FANK1: variants seen among roughly 807,000 people sequenced by gnomAD.
FANK1 encodes fibronectin type 3 and ankyrin repeat domains protein 1.
Under a neutral mutation model 45.3 loss-of-function variants are expected in FANK1, and 44 were observed. The ratio of observed to expected loss-of-function variants is 0.97; its 90% CI spans 0.76 to 1.25. FANK1 has a LOEUF of 1.25. Among genes scored for constraint, FANK1 ranks in the 50% most tolerant of loss-of-function variants. The pLI is 0.00. For missense variants in FANK1, 391 were observed against 424.4 expected, an observed-to-expected ratio of 0.92 and a Z score of 0.69; for synonymous variants, 149 against 152.5, an observed-to-expected ratio of 0.98 and a Z score of 0.17.
rs569488141 is a variant in FANK1 at position 125,906,563 on chromosome 10, G to GTTTTACTAGTGTTGGT, written c.13+9911_13+9926dup. 5.8e-3 allele frequency among the ~76,000 whole-genome samples: 659 copies of GTTTTACTAGTGTTGGT among 113,280 alleles called. 3 individuals are homozygous for GTTTTACTAGTGTTGGT. The highest frequency in any genetic ancestry group is 0.02 in the African/African-American group (622 of 31,544). 74.3% of individuals were successfully genotyped at this position (113,280 alleles called of 152,430 possible). A position where few individuals can be genotyped will look rare whatever the true frequency, so the allele number is the denominator to read the frequency against. ...AAAAAAATTCTTACCTCCTGGAAGTGTTTTACTAGTGTTGGTTTCTATTTG... is the reference window on the plus strand; with the variant it reads ...AAAAAAATTCTTACCTCCTGGAAGTGTTTTACTAGTGTTGGTTTTTACTAGTGTTGGTTTCTATTTG... On this transcript the variant is annotated intron_variant, in intron 1 of 10. Coordinates refer to ENST00000368693, the MANE Select transcript of FANK1 (RefSeq NM_145235.5).
intron 3 of FANK1, chr10:125,989,170 G>GT: frequency 1.1e-6 from 1 of 909,218 alleles, no homozygotes; most frequent in South Asian, 1.5e-5. Flanking sequence ...GGAGAATCCT[G>GT]TGAGGGAGAG....
intron 1 of FANK1, among the ~76,000 whole-genome samples, chr10:125,912,354 C>T (rs535992279): frequency 6.6e-6 from 1 of 152,166 alleles, no homozygotes; most frequent in East Asian, 1.9e-4. Context: ...CATATATCTA[C>T]CCCCCTCCTC....
rs1042967379 is a variant in FANK1 at position 126,009,278 on chromosome 10, C to T, written c.972+12C>T. The T allele has an allele frequency of 2.5e-6, 4 of 1,614,068 alleles. No individual in the cohort carries two copies. In the African/African-American group the frequency reaches 5.3e-5, roughly 22 times the overall value. On this transcript the variant is annotated intron_variant, in intron 10 of 10. Coordinates refer to ENST00000368693, the MANE Select transcript of FANK1 (RefSeq NM_145235.5). ...TTTTTGACAGACAGGTTGGGATGCT[C>T]TTTCTGCCTATCAAGGCTAATTTTT...
intron 6 of FANK1, among the ~76,000 whole-genome samples, chr10:126,000,312 G>T (rs1952662090): frequency 6.6e-6 from 1 of 152,144 alleles, no homozygotes; most frequent in Non-Finnish European, 1.5e-5. Flanking sequence ...TGTCAAGGAA[G>T]AATGTGGAAG....
chr10:125,973,249 C>T (rs773633913), intron 1 of FANK1: 8 of 159,230 alleles, frequency 5.0e-5, no homozygotes, highest in Non-Finnish European at 2.7e-5. Context: ...TTTAGAATTT[C>T]TTGCCTGTTC....
At chr10:125,922,000 GTTTA>G (rs1946978820) in intron 1 of FANK1, among the ~76,000 whole-genome samples, 1 of 151,950 alleles carries the variant, frequency 6.6e-6, no homozygotes, top group African/African-American at 2.4e-5. Context: ...CCTGATTTGA[GTTTA>G]TTTGGTTCTT....
chr10:125,980,482 C>A (rs1951133215), intron 2 of FANK1, 144 bp downstream of exon 2: 2 of 981,050 alleles, frequency 2.0e-6, no homozygotes, highest in Non-Finnish European at 2.9e-6. Context: ...TTATGAATTA[C>A]AATTTTTGGA....
chr10:126,007,539 C>A (rs1451730718), intron 7 of FANK1, among the ~76,000 whole-genome samples: 2 of 152,310 alleles, frequency 1.3e-5, no homozygotes, highest in Middle Eastern at 3.4e-3. Flanking sequence ...TGAAGTGCTC[C>A]CAAGATCTCC....
intron 1 of FANK1, among the ~76,000 whole-genome samples, chr10:125,897,817 G>A (rs983712431): frequency 1.1e-4 from 16 of 152,102 alleles, no homozygotes; most frequent in African/African-American, 3.4e-4. Context: ...ATGGCAGGCT[G>A]TGTATATTCC....
intron 1 of FANK1, among the ~76,000 whole-genome samples, chr10:125,960,850 A>G (rs1017618903): frequency 2.6e-4 from 40 of 152,282 alleles, no homozygotes; most frequent in African/African-American, 9.1e-4. Flanking sequence ...TGCAGTCTTT[A>G]TCAAAATACC....
chr10:126,005,064 T>G lies in FANK1; in HGVS notation c.705+15T>G, dbSNP rs1182551498. 6.2e-7 allele frequency: 1 copy of G among 1,608,690 alleles called. No homozygotes were observed. The highest frequency in any genetic ancestry group is 8.5e-7 in the Non-Finnish European group (1 of 1,176,560). ...ATGGCTGTGAGGTACGGGACCTGCCTTGTTAACCACGCACATATCGTTAAG... is the reference window on the plus strand; with the variant it reads ...ATGGCTGTGAGGTACGGGACCTGCCGTGTTAACCACGCACATATCGTTAAG... On this transcript the variant is annotated intron_variant, in intron 7 of 10. Transcript: ENST00000368693.
At chr10:125,949,961 G>T (rs578157342) in intron 1 of FANK1, among the ~76,000 whole-genome samples, 1 of 115,766 alleles carries the variant, frequency 8.6e-6, no homozygotes, top group African/African-American at 3.0e-5. Context: ...AAATAACGCC[G>T]CATATCTACA....
intron 2 of FANK1, among the ~76,000 whole-genome samples, chr10:125,985,584 G>A (rs772937268): frequency 3.9e-5 from 6 of 151,994 alleles, no homozygotes; most frequent in African/African-American, 9.7e-5. Flanking sequence ...TGCCATTGGC[G>A]TTATTTCTTC....
chr10:125,966,070 A>G (rs979922827), intron 1 of FANK1, among the ~76,000 whole-genome samples: 22 of 152,192 alleles, frequency 1.4e-4, no homozygotes, highest in Admixed American at 1.2e-3. Flanking sequence ...CACAAAAGGA[A>G]GCAATGTTTC....
chr10:125,966,083 C>T (rs1397634888), intron 1 of FANK1, among the ~76,000 whole-genome samples: 12 of 152,134 alleles, frequency 7.9e-5, no homozygotes, highest in African/African-American at 2.9e-4. Context: ...AATGTTTCCC[C>T]ATTACTACTC....
intron 1 of FANK1, among the ~76,000 whole-genome samples, chr10:125,902,759 C>T (rs1262513807): frequency 2.0e-5 from 3 of 152,212 alleles, no homozygotes; most frequent in African/African-American, 7.2e-5. Flanking sequence ...CACTCCCAGC[C>T]AGCACCTGCT....
Position 125,988,563 on chromosome 10 carries a change from G to A in FANK1, c.204G>A (p.Thr68=), listed in dbSNP as rs146192515. The A allele has an allele frequency of 8.7e-6, 14 of 1,614,134 alleles. No individual in the cohort carries two copies. Among genetic ancestry groups the A allele is most frequent in the East Asian group, 2.2e-5 (1 of 44,888 alleles). ...TCCTCCTGTCTAGGGGATATGCAAC[G>A]AAGCATGTTGTTGAAGGTCTGGAAC... is the stretch of plus-strand genomic sequence containing the variant. ...TYGIIYTGYA[T]KHVVEGLEPR... is the part of the protein sequence containing the mutation. Residue 68 remains threonine (T), a synonymous_variant, in exon 3 of 11, where the codon ACG becomes ACA. Coordinates refer to ENST00000368693, the MANE Select transcript of FANK1 (RefSeq NM_145235.5).
chr10:125,997,618 T>A (rs928579257), intron 6 of FANK1, 133 bp downstream of exon 6: 4 of 745,788 alleles, frequency 5.4e-6, no homozygotes, highest in Non-Finnish European at 8.5e-6. Context: ...AGTGGGTCGC[T>A]GAGGAAAGAT....
At chr10:126,003,851 T>A (rs1455206615) in intron 6 of FANK1, among the ~76,000 whole-genome samples, 1 of 151,956 alleles carries the variant, frequency 6.6e-6, no homozygotes, top group African/African-American at 2.4e-5. Context: ...AATTTTTATA[T>A]TTTTAGTAGA....
Sources: allele counts gnomAD v4.1 joint callset (sites outside exome capture counted in the v4.1 genomes callset), GRCh38; gene constraint gnomAD v4.1.1; transcripts MANE v1.5; gene names NCBI Gene and HGNC (gene_info 2026-07-23, HGNC 2026-07-21).